Variants in C4BPA observed in about 807,000 individuals in gnomAD.
C4BPA encodes complement component 4 binding protein alpha, also known as C4b-binding protein alpha chain.
A neutral mutation model predicts 63.7 loss-of-function variants in C4BPA; 31 were observed. The observed-to-expected ratio is 0.49, with a 90% CI of 0.37 to 0.66. The LOEUF (loss-of-function observed/expected upper bound fraction) is 0.66, where lower values mean the gene tolerates loss of function less well. Ranked by LOEUF, C4BPA falls within the 30% of genes least tolerant of loss-of-function variation. C4BPA has a pLI of 0.00. For synonymous variants in C4BPA, 259 were observed against 254.7 expected (o/e 1.02, Z -0.16); for missense variants, 572 against 723.3 (o/e 0.79, Z 2.40).
chr1:207,138,979 A>G (rs1308284728), intron 9 of C4BPA, among the ~76,000 whole-genome samples: 1 of 152,200 alleles, frequency 6.6e-6, no homozygotes, highest in South Asian at 2.1e-4. Flanking sequence ...GGGGGAATTA[A>G]CATGATGCCA....
At chr1:207,122,944 GTTGA>G (rs2102339448) in intron 4 of C4BPA, among the ~76,000 whole-genome samples, 1 of 152,254 alleles carries the variant, frequency 6.6e-6, no homozygotes, top group Non-Finnish European at 1.5e-5. Context: ...TTAAGCCTAT[GTTGA>G]TTCTCTTTTG....
chr1:207,126,127 T>C (rs1685037432), intron 6 of C4BPA, among the ~76,000 whole-genome samples: 1 of 152,014 alleles, frequency 6.6e-6, no homozygotes, highest in Non-Finnish European at 1.5e-5. Context: ...TATGTATGAC[T>C]GATTTTTATT....
At chr1:207,114,907 G>T (rs1684750747) in intron 3 of C4BPA, 1 of 153,166 alleles carries the variant, frequency 6.5e-6, no homozygotes, top group Admixed American at 6.5e-5. Context: ...TTATAAAAAA[G>T]GTAGGTGGCT....
intron 9 of C4BPA, among the ~76,000 whole-genome samples, chr1:207,140,297 T>C (rs758523651): frequency 6.6e-6 from 1 of 152,218 alleles, no homozygotes; most frequent in African/African-American, 2.4e-5. Context: ...TTTTTCAGTG[T>C]ACACAAATGT....
At chr1:207,138,529 T>TG in intron 9 of C4BPA, among the ~76,000 whole-genome samples, 1 of 152,350 alleles carries the variant, frequency 6.6e-6, no homozygotes. Flanking sequence ...CAAGGATCTA[T>TG]GGTGTAACTG....
At chr1:207,135,345 A>C (rs1685258837) in intron 9 of C4BPA, among the ~76,000 whole-genome samples, 1 of 149,464 alleles carries the variant, frequency 6.7e-6, no homozygotes, top group African/African-American at 2.5e-5. Context: ...CCCAAAAAGA[A>C]AAAAAAAAGG....
Position 207,144,843 on chromosome 1 carries a change from A to G in C4BPA, c.*126A>G, listed in dbSNP as rs1181965871. ...TCATCATAATAAATATCTAGAAATGATAATTTGCTAAAGTTTAGTGCTTTG... is the reference window on the plus strand; with the variant it reads ...TCATCATAATAAATATCTAGAAATGGTAATTTGCTAAAGTTTAGTGCTTTG... On this transcript the variant is annotated 3_prime_UTR_variant, in exon 12 of 12. Coordinates refer to ENST00000367070, the MANE Select transcript of C4BPA (RefSeq NM_000715.4). 1.4e-5 allele frequency: 7 copies of G among 508,898 alleles called. No homozygotes were observed. The highest frequency in any genetic ancestry group is 2.0e-5 in the African/African-American group (1 of 50,510). The allele number at this position is 508,898 out of a possible 1,614,324, so 31.5% of individuals were successfully genotyped here.
At position 207,144,634 on chromosome 1, in the gene C4BPA, G is replaced by T. The variant is rs1376949284; in HGVS notation, c.1711G>T (p.Val571Leu). ...AGAGGATGTGAAAATGGCCCTGGAG[G>T]TATATAAGCTGTCTCTGGAAATTGA... Reference protein sequence around the residue: ...NPEDVKMALEVYKLSLEIEQL... With the variant: ...NPEDVKMALELYKLSLEIEQL... The change falls in exon 12 of 12, where the codon GTA (valine) becomes TTA (leucine). Residue 571 changes from valine to leucine, a missense_variant. Physicochemically the swap from Val to Leu is conservative, Grantham distance 32. Coordinates refer to ENST00000367070, the MANE Select transcript of C4BPA (RefSeq NM_000715.4). 1.9e-6 allele frequency: 3 copies of T among 1,613,588 alleles called. No individual in the cohort carries two copies. The highest frequency in any genetic ancestry group is 2.5e-6 in the Non-Finnish European group (3 of 1,179,716).
chr1:207,106,442 T>TTTTTTTTG (rs1553255134), intron 1 of C4BPA, among the ~76,000 whole-genome samples: 1 of 109,630 alleles, frequency 9.1e-6, no homozygotes, highest in African/African-American at 4.1e-5. Context: ...TCCGTGTAAG[T>TTTTTTTTG]TTTTTTTTTT....
chr1:207,129,855 A>G (rs1385253800), intron 7 of C4BPA, among the ~76,000 whole-genome samples: 1 of 152,118 alleles, frequency 6.6e-6, no homozygotes, highest in Non-Finnish European at 1.5e-5. Context: ...AGAGTTTATT[A>G]TGTTAATCTT....
chr1:207,108,803 A>G (rs1190910880), intron 1 of C4BPA, among the ~76,000 whole-genome samples: 1 of 151,778 alleles, frequency 6.6e-6, no homozygotes, highest in Admixed American at 6.6e-5. Flanking sequence ...GATCACTGTA[A>G]CCTTTGCCTC....
intron 8 of C4BPA, among the ~76,000 whole-genome samples, chr1:207,134,012 T>A (rs191620680): frequency 2.5e-4 from 38 of 152,284 alleles, no homozygotes; most frequent in Admixed American, 1.2e-3. Flanking sequence ...TAAATTTTTT[T>A]AAATATTTTT....
rs911904731 is a variant in C4BPA at position 207,144,900 on chromosome 1, G to A, written c.*183G>A. Reference sequence around the variant, plus strand: ...TGAAATTATTAATCATCCTCTGTGTGGCTCATGTTTTTGCTTTTCAACACA... The same window carrying A: ...TGAAATTATTAATCATCCTCTGTGTAGCTCATGTTTTTGCTTTTCAACACA... On this transcript the variant is annotated 3_prime_UTR_variant, in exon 12 of 12. Transcript: ENST00000367070. The A allele has an allele frequency of 2.7e-6, 1 of 372,636 alleles. No individual in the cohort carries two copies. Among genetic ancestry groups the A allele is most frequent in the African/African-American group, 2.1e-5 (1 of 47,820 alleles). The allele number at this position is 372,636 out of a possible 1,614,324, so 23.1% of individuals were successfully genotyped here.
At chr1:207,137,107 G>A (rs1195088998) in intron 9 of C4BPA, among the ~76,000 whole-genome samples, 1 of 152,184 alleles carries the variant, frequency 6.6e-6, no homozygotes, top group Non-Finnish European at 1.5e-5. Context: ...ACCCTCTTGG[G>A]AAGATCCCCA....
rs767755712 is a variant in C4BPA at position 207,113,002 on chromosome 1, A to G, written c.-24A>G. ...TATTAAATTGAGTTCTTTCAGCAGA[A>G]AAACATCAGCGAAGCAGCAGGCCAT... is the stretch of plus-strand genomic sequence containing the variant. On this transcript the variant is annotated splice_region_variant and 5_prime_UTR_variant, in exon 2 of 12. Coordinates refer to ENST00000367070, the MANE Select transcript of C4BPA (RefSeq NM_000715.4). 6.4e-7 allele frequency: 1 copy of G among 1,554,936 alleles called. No homozygotes were observed. The highest frequency in any genetic ancestry group is 2.3e-5 in the Admixed American group (1 of 44,374).
intron 4 of C4BPA, among the ~76,000 whole-genome samples, chr1:207,117,209 G>A (rs1684816614): frequency 6.6e-6 from 1 of 152,170 alleles, no homozygotes; most frequent in African/African-American, 2.4e-5. Context: ...CAGCACTTTG[G>A]AAGACCAAGG....
chr1:207,105,324 G>A (rs766401186), intron 1 of C4BPA, among the ~76,000 whole-genome samples: 2 of 152,066 alleles, frequency 1.3e-5, no homozygotes, highest in East Asian at 1.9e-4. Context: ...TTGGGAGGCC[G>A]AGGCTGGCGG....
intron 1 of C4BPA, 126 bp from the exon 2 acceptor site, chr1:207,112,875 T>C: frequency 1.2e-6 from 1 of 837,312 alleles, no homozygotes; most frequent in Non-Finnish European, 1.8e-6. Context: ...GCTCAGGGGT[T>C]TTTTTGTTTT....
intron 10 of C4BPA, among the ~76,000 whole-genome samples, chr1:207,142,668 A>C (rs1572802249): frequency 6.6e-6 from 1 of 152,176 alleles, no homozygotes; most frequent in African/African-American, 2.4e-5. Flanking sequence ...TCTAATGACC[A>C]GTGATGATGA....
Sources: gnomAD v4.1 joint callset for allele counts (sites outside exome capture counted in the v4.1 genomes callset) on GRCh38, gnomAD v4.1.1 for gene constraint, MANE v1.5 for transcripts, NCBI Gene and HGNC (gene_info 2026-07-23, HGNC 2026-07-21) for gene names.